The following TXK variants were observed in gnomAD, a reference collection of about 807,000 sequenced individuals.
TXK encodes tyrosine-protein kinase TXK.
TXK carries 60 observed loss-of-function variants against 81.0 expected under a neutral mutation model. The ratio of observed to expected loss-of-function variants is 0.74; its 90% CI spans 0.60 to 0.92. TXK has a LOEUF of 0.92. Among genes scored for constraint, TXK ranks in the 40% least tolerant of loss-of-function variants. The probability of loss-of-function intolerance (pLI) is 0.00; values close to 1 mark genes in which losing one functional copy is unlikely to be tolerated. For missense variants in TXK, 581 were observed against 638.3 expected (o/e 0.91, Z 0.97); for synonymous variants, 203 against 210.7 (o/e 0.96, Z 0.32).
chr4:48,103,250 G>A (rs1718274173), intron 6 of TXK, among the ~76,000 whole-genome samples: 1 of 152,210 alleles, frequency 6.6e-6, no homozygotes, highest in East Asian at 1.9e-4. Flanking sequence ...TGTGATAACT[G>A]TGGACCTCCT....
chr4:48,106,680 G>A (rs1161261955), intron 5 of TXK, among the ~76,000 whole-genome samples: 3 of 152,212 alleles, frequency 2.0e-5, no homozygotes, highest in African/African-American at 7.2e-5. Flanking sequence ...ATGTAAATCT[G>A]CTTCTCTTAG....
chr4:48,101,132 C>T (rs1016325295), intron 6 of TXK, among the ~76,000 whole-genome samples: 10 of 151,950 alleles, frequency 6.6e-5, no homozygotes, highest in Admixed American at 6.6e-4. Flanking sequence ...ACCACGTGAA[C>T]ATACTCACTA....
chr4:48,073,864 C>CA (rs1716958518), intron 13 of TXK, 71 bp downstream of exon 13: 4 of 1,041,164 alleles, frequency 3.8e-6, no homozygotes, highest in African/African-American at 1.6e-5. Flanking sequence ...ATTAGGAAAT[C>CA]AAAGTTAAAA....
intron 10 of TXK, among the ~76,000 whole-genome samples, chr4:48,081,187 T>C (rs1476763931): frequency 6.6e-6 from 1 of 152,088 alleles, no homozygotes; most frequent in Non-Finnish European, 1.5e-5. Context: ...TTTACATATA[T>C]ATAGAGTAAG....
chr4:48,094,054 C>G, intron 8 of TXK, 23 bp downstream of exon 8: 1 of 1,612,854 alleles, frequency 6.2e-7, no homozygotes, highest in African/African-American at 1.3e-5. Flanking sequence ...CCTGACTCAC[C>G]CAGCTGGAAG....
chr4:48,124,243 A>G (rs1719027493), intron 1 of TXK, among the ~76,000 whole-genome samples: 1 of 152,040 alleles, frequency 6.6e-6, no homozygotes, highest in Non-Finnish European at 1.5e-5. Flanking sequence ...TTTATGCACT[A>G]GATGCCGGCA....
At chr4:48,103,913 G>T (rs991784839) in intron 6 of TXK, among the ~76,000 whole-genome samples, 5 of 151,870 alleles carry the variant, frequency 3.3e-5, no homozygotes, top group African/African-American at 4.8e-5. Context: ...CTCAAATACA[G>T]GACTCCAGAC....
intron 1 of TXK, among the ~76,000 whole-genome samples, chr4:48,126,118 C>A (rs1251803809): frequency 2.6e-5 from 4 of 152,168 alleles, no homozygotes; most frequent in African/African-American, 9.7e-5. Flanking sequence ...TAGTTTGACA[C>A]TTGAAAAACA....
intron 9 of TXK, among the ~76,000 whole-genome samples, chr4:48,088,668 A>G (rs988858293): frequency 6.6e-6 from 1 of 152,212 alleles, no homozygotes; most frequent in Non-Finnish European, 1.5e-5. Flanking sequence ...TTGTTTTTAA[A>G]TTTTTTAAGT....
intron 6 of TXK, among the ~76,000 whole-genome samples, chr4:48,098,807 C>T (rs911735420): frequency 2.6e-5 from 4 of 152,268 alleles, no homozygotes; most frequent in African/African-American, 9.6e-5. Context: ...ACTGAAAATG[C>T]CTGTAATCCC....
chr4:48,103,271 C>G (rs1253512774), intron 6 of TXK, among the ~76,000 whole-genome samples: 1 of 152,216 alleles, frequency 6.6e-6, no homozygotes, highest in Non-Finnish European at 1.5e-5. Flanking sequence ...CTGGGACTTT[C>G]CTTCTCTCGT....
At chr4:48,101,927 T>C (rs980060178) in intron 6 of TXK, among the ~76,000 whole-genome samples, 2 of 152,062 alleles carry the variant, frequency 1.3e-5, no homozygotes, top group African/African-American at 4.8e-5. Context: ...TTACAACATA[T>C]AACTGACAGA....
chr4:48,130,517 C>T (rs902695959), intron 1 of TXK, among the ~76,000 whole-genome samples: 3 of 152,166 alleles, frequency 2.0e-5, no homozygotes, highest in African/African-American at 4.8e-5. Context: ...AGCCCGAGAT[C>T]GCAGGAATGG....
At chr4:48,089,556 A>G in intron 9 of TXK, 194 bp downstream of exon 9, 2 of 404,684 alleles carry the variant, frequency 4.9e-6, no homozygotes, top group Non-Finnish European at 4.7e-6. Context: ...AAACCCGGCT[A>G]ATTTTTTGTA....
At chr4:48,100,922 AT>A (rs1308336594) in intron 6 of TXK, among the ~76,000 whole-genome samples, 7 of 152,008 alleles carry the variant, frequency 4.6e-5, no homozygotes, top group South Asian at 4.2e-4. Flanking sequence ...ATGTAAAAAA[AT>A]ATATATATAA....
rs760467907 is a variant in TXK at position 48,076,390 on chromosome 4, C to G, written c.1238+12G>C. 1.9e-6 allele frequency: 3 copies of G among 1,571,092 alleles called. No individual in the cohort carries two copies. Among genetic ancestry groups the G allele is most frequent in the Middle Eastern group, 1.7e-4 (1 of 5,918 alleles). On this transcript the variant is annotated intron_variant, in intron 12 of 14. Coordinates refer to ENST00000264316, the MANE Select transcript of TXK (RefSeq NM_003328.3). ...AACAAACAAAATACATATATATATA[C>G]ATAGCATGTACCTTGTCATTCCAAA...
At chr4:48,095,973 GA>G in intron 6 of TXK, among the ~76,000 whole-genome samples, 1 of 152,304 alleles carries the variant, frequency 6.6e-6, no homozygotes, top group East Asian at 1.9e-4. Flanking sequence ...CATGAAGAGG[GA>G]AAATACATCT....
At chr4:48,100,158 A>T (rs6835315) in intron 6 of TXK, among the ~76,000 whole-genome samples, 37 of 127,794 alleles carry the variant, frequency 2.9e-4, no homozygotes, top group African/African-American at 1.1e-3. Flanking sequence ...GGCGACAGAA[A>T]GAGACTCCAT....
At chr4:48,128,443 G>A (rs1413612455) in intron 1 of TXK, among the ~76,000 whole-genome samples, 1 of 151,864 alleles carries the variant, frequency 6.6e-6, no homozygotes. Context: ...ATGGCTCTGG[G>A]TGACCAGAGC....
Sources: allele counts gnomAD v4.1 joint callset (sites outside exome capture counted in the v4.1 genomes callset), GRCh38; gene constraint gnomAD v4.1.1; transcripts MANE v1.5; gene names NCBI Gene and HGNC (gene_info 2026-07-23, HGNC 2026-07-21).